The following GLI4 variants were observed in gnomAD, a reference collection of about 807,000 sequenced individuals.
GLI4 encodes GLI family zinc finger 4, also known as zinc finger protein GLI4.
GLI4 carries 34 observed loss-of-function variants against 30.9 expected under a neutral mutation model. The ratio of observed to expected loss-of-function variants is 1.10; its 90% CI spans 0.84 to 1.47. The LOEUF is 1.47. Among genes scored for constraint, GLI4 ranks in the 40% most tolerant of loss-of-function variants. The pLI is 0.00. For missense variants in GLI4, 696 were observed against 538.9 expected, an observed-to-expected ratio of 1.29 and a Z score of -2.89; for synonymous variants, 277 against 236.7, an observed-to-expected ratio of 1.17 and a Z score of -1.56.
At chr8:143,272,271 G>A (rs1394317474) in intron 2 of GLI4, 3 of 152,372 alleles carry the variant, frequency 2.0e-5, no homozygotes, top group African/African-American at 4.8e-5. Flanking sequence ...CTTGGCACCT[G>A]AGATCTGGAC....
At chr8:143,269,108 C>T (rs1167356119) in intron 1 of GLI4, among the ~76,000 whole-genome samples, 1 of 151,894 alleles carries the variant, frequency 6.6e-6, no homozygotes, top group African/African-American at 2.4e-5. Context: ...TCACAAAGTG[C>T]TGGGATTACA....
Position 143,276,145 on chromosome 8 carries a change from G to C in GLI4, c.472G>C (p.Ala158Pro). The change falls in exon 4 of 4, where the codon GCG becomes CCG. Residue 158 changes from alanine (A) to proline (P), a missense_variant. Ala to Pro is a conservative substitution (Grantham distance 27, BLOSUM62 -1). Coordinates refer to ENST00000340042, the MANE Select transcript of GLI4 (RefSeq NM_138465.4). ...VQQAAAGPEG[A>P]PERAAELGVN... is the part of the protein sequence containing the mutation. ...GCAAGCAGCGGCCGGGCCCGAGGGTGCGCCCGAGCGGGCTGCCGAGCTGGG... is the reference window on the plus strand; with the variant it reads ...GCAAGCAGCGGCCGGGCCCGAGGGTCCGCCCGAGCGGGCTGCCGAGCTGGG... 1 of 1,545,066 alleles carries C rather than the reference G, an allele frequency of 6.5e-7. No homozygotes were observed.
Position 143,275,916 on chromosome 8 carries a change from G to C in GLI4, c.243G>C (p.Glu81Asp). 7.7e-7 allele frequency: 1 copy of C among 1,301,090 alleles called. No individual in the cohort carries two copies. Among genetic ancestry groups the C allele is most frequent in the Non-Finnish European group, 9.8e-7 (1 of 1,022,464 alleles). 80.6% of individuals were successfully genotyped at this position (1,301,090 alleles called of 1,614,324 possible). A position where few individuals can be genotyped will look rare whatever the true frequency, so the allele number is the denominator to read the frequency against. ...TTTCAGACTCCGAGCCCAAGCCGGAGCAGGCTCCACGCTCTCCTGGCTCTC... is the reference window on the plus strand; with the variant it reads ...TTTCAGACTCCGAGCCCAAGCCGGACCAGGCTCCACGCTCTCCTGGCTCTC... ...TFWPDSEPKPEQAPRSPGSQA... is the reference protein window; with the variant it reads ...TFWPDSEPKPDQAPRSPGSQA... The change falls in exon 4 of 4, where the codon GAG becomes GAC. Residue 81 changes from glutamate to aspartate, a missense_variant. Coordinates refer to ENST00000340042, the MANE Select transcript of GLI4 (RefSeq NM_138465.4).
intron 2 of GLI4, chr8:143,274,441 G>A (rs1188007132): frequency 1.9e-5 from 6 of 315,806 alleles, no homozygotes; most frequent in African/African-American, 1.1e-4. Context: ...AGCTCCCCCA[G>A]GTTTTGGCTC....
chr8:143,274,824 A>C (rs1190759446), intron 3 of GLI4, 22 bp downstream of exon 3: 5 of 1,538,438 alleles, frequency 3.3e-6, no homozygotes, highest in Admixed American at 1.9e-5. Context: ...GAATCGGGTT[A>C]CTGGGGGACC....
chr8:143,269,150 C>T (rs745804461), intron 1 of GLI4, among the ~76,000 whole-genome samples: 3 of 152,126 alleles, frequency 2.0e-5, no homozygotes, highest in Non-Finnish European at 2.9e-5. Context: ...CCACTCAAAG[C>T]GTTATTCCTT....
intron 1 of GLI4, among the ~76,000 whole-genome samples, chr8:143,268,864 GT>G (rs1475698461): frequency 4.6e-5 from 7 of 152,344 alleles, no homozygotes; most frequent in South Asian, 4.1e-4. Context: ...TGCTGCTGTT[GT>G]TTGAGTCTTG....
At chr8:143,274,227 G>A (rs1175869638) in intron 2 of GLI4, among the ~76,000 whole-genome samples, 1 of 152,220 alleles carries the variant, frequency 6.6e-6, no homozygotes, top group Non-Finnish European at 1.5e-5. Context: ...CGCTCGTCAA[G>A]GACAGCAGAG....
intron 3 of GLI4, 25 bp from the exon 4 acceptor site, chr8:143,275,872 C>T (rs962092739): frequency 7.9e-7 from 1 of 1,269,588 alleles, no homozygotes; most frequent in Non-Finnish European, 9.9e-7. Flanking sequence ...CGGGTACTAT[C>T]CGCCTCTGCC....
chr8:143,274,677 GTGAGCCCCAGCCTCCC>G lies in GLI4; in HGVS notation c.125-23_125-8del. 1 of 1,534,972 alleles carries G rather than the reference GTGAGCCCCAGCCTCCC, an allele frequency of 6.5e-7. No homozygotes were observed. The highest frequency in any genetic ancestry group is 8.8e-7 in the Non-Finnish European group (1 of 1,135,756). On this transcript the variant is annotated splice_polypyrimidine_tract_variant and intron_variant, in intron 2 of 3. Transcript: ENST00000340042. ...GGAGGCAGTGGTCCAGAGGGTGGAGGTGAGCCCCAGCCTCCCTGACCCCCAGGCTCCCCTGGCTCCA... is the reference window on the plus strand; with the variant it reads ...GGAGGCAGTGGTCCAGAGGGTGGAGGTGACCCCCAGGCTCCCCTGGCTCCA...
Position 143,276,077 on chromosome 8 carries a change from C to G in GLI4, c.404C>G (p.Pro135Arg), listed in dbSNP as rs913641195. Residue 135 changes from proline (P) to arginine (R), a missense_variant, in exon 4 of 4, where the codon CCT (proline) becomes CGT (arginine). By Grantham distance (103) the Pro-to-Arg change is moderately radical. Coordinates refer to ENST00000340042, the MANE Select transcript of GLI4 (RefSeq NM_138465.4). The part of the protein sequence containing the change: ...RPAGQPPGAV[P>R]CAQPRGAWRV... ...GCGGGCCAGCCGCCTGGGGCCGTCC[C>G]TTGCGCCCAGCCGCGGGGCGCCTGG... 1 of 1,405,522 alleles carries G rather than the reference C, an allele frequency of 7.1e-7. No individual in the cohort carries two copies. Among genetic ancestry groups the G allele is most frequent in the South Asian group, 1.6e-5 (1 of 62,074 alleles). 87.1% of individuals were successfully genotyped at this position (1,405,522 alleles called of 1,614,324 possible).
In GLI4 at chr8:143,269,427, C is replaced by A; in HGVS notation, c.31C>A (p.Pro11Thr). 4 of 1,610,058 alleles carry A rather than the reference C, an allele frequency of 2.5e-6. No individual in the cohort carries two copies. The highest frequency in any genetic ancestry group is 2.2e-5 in the South Asian group (2 of 91,026). Residue 11 changes from proline (P) to threonine (T), a missense_variant, in exon 2 of 4, where the codon CCT becomes ACT. Pro to Thr is a conservative substitution (Grantham distance 38). Coordinates refer to ENST00000340042, the MANE Select transcript of GLI4 (RefSeq NM_138465.4). MAALGDIQES[P>T]SVPSPVSLSS... Reference sequence around the variant, plus strand: ...AGCCCTAGGGGACATTCAGGAGTCCCCTTCTGTCCCGTCCCCTGTCAGTCT... The same window carrying A: ...AGCCCTAGGGGACATTCAGGAGTCCACTTCTGTCCCGTCCCCTGTCAGTCT...
chr8:143,276,678 C>T lies in GLI4; in HGVS notation c.1005C>T (p.Arg335=), dbSNP rs1815396580. The T allele has an allele frequency of 1.2e-6, 2 of 1,611,482 alleles. No individual in the cohort carries two copies. The highest frequency in any genetic ancestry group is 1.3e-5 in the African/African-American group (1 of 74,898). Reference sequence around the variant, plus strand: ...ACTGCGGCAAAGCCTTCCGCGGCCGCTCGCACTTCTTCCGGCACCTGCGGA... The same window carrying T: ...ACTGCGGCAAAGCCTTCCGCGGCCGTTCGCACTTCTTCCGGCACCTGCGGA... ...CSDCGKAFRG[R]SHFFRHLRTH... Residue 335 remains arginine, a synonymous_variant, in exon 4 of 4, where the codon CGC becomes CGT. Transcript: ENST00000340042.
rs1265947786 is a variant in GLI4 at position 143,276,858 on chromosome 8, C to T, written c.*54C>T. ...TACCTGCCCCCAACCCACCCTCCAC[C>T]CCGTCCCCCACGGTGGGCACTGCCC... On this transcript the variant is annotated 3_prime_UTR_variant, in exon 4 of 4. Coordinates refer to ENST00000340042, the MANE Select transcript of GLI4 (RefSeq NM_138465.4). The T allele has an allele frequency of 8.6e-7, 1 of 1,162,960 alleles. No individual in the cohort carries two copies. The highest frequency in any genetic ancestry group is 2.6e-5 in the East Asian group (1 of 39,206). The allele number at this position is 1,162,960 out of a possible 1,614,324, so 72.0% of individuals were successfully genotyped here.
intron 3 of GLI4, chr8:143,275,265 G>C: frequency 6.6e-7 from 1 of 1,514,440 alleles, no homozygotes. Flanking sequence ...AGCTCCCAGG[G>C]TTCCCTCTGG....
chr8:143,268,366 C>T (rs1180074924), intron 1 of GLI4, among the ~76,000 whole-genome samples: 1 of 152,230 alleles, frequency 6.6e-6, no homozygotes, highest in African/African-American at 2.4e-5. Flanking sequence ...GGAGTTCCTA[C>T]TCTATCACAG....
At chr8:143,268,210 A>G in intron 1 of GLI4, 4 of 507,164 alleles carry the variant, frequency 7.9e-6, no homozygotes, top group Non-Finnish European at 1.0e-5. Flanking sequence ...AGGCTGGCCC[A>G]GAAGCCGGGC....
intron 2 of GLI4, 51 bp from the exon 3 acceptor site, chr8:143,274,653 G>C (rs1350524951): frequency 7.3e-6 from 11 of 1,505,782 alleles, no homozygotes; most frequent in Non-Finnish European, 9.8e-6. Context: ...GAGAGGAGCG[G>C]AGGCAGTGGT....
At chr8:143,275,669 C>A in intron 3 of GLI4, 1 of 1,242,458 alleles carries the variant, frequency 8.0e-7, no homozygotes. Context: ...ATGGTCCCAG[C>A]AGCTCTGGGT....
Sources: gnomAD v4.1 joint callset for allele counts (sites outside exome capture counted in the v4.1 genomes callset) on GRCh38, gnomAD v4.1.1 for gene constraint, MANE v1.5 for transcripts, NCBI Gene and HGNC (gene_info 2026-07-23, HGNC 2026-07-21) for gene names.